The following ARHGAP28 variants were observed in gnomAD, a reference collection of about 807,000 sequenced individuals.
The protein encoded by ARHGAP28 is Rho GTPase activating protein 28.
ARHGAP28 carries 56 observed loss-of-function variants against 90.7 expected under a neutral mutation model. The observed-to-expected ratio is 0.62, with a 90% confidence interval of 0.50 to 0.77. The LOEUF is 0.77. ARHGAP28 is among the 30% of genes least tolerant of loss of function. The pLI is 0.00. For synonymous variants in ARHGAP28, 308 were observed against 323.3 expected (o/e 0.95, Z 0.51); for missense variants, 869 against 900.9 (o/e 0.96, Z 0.45).
At chr18:6,884,908 C>T (rs187912079) in intron 11 of ARHGAP28, among the ~76,000 whole-genome samples, 1 of 152,286 alleles carries the variant, frequency 6.6e-6, no homozygotes, top group East Asian at 1.9e-4. Flanking sequence ...AATATTCAAT[C>T]CTTGTGTTCA....
At chr18:6,750,067 C>T (rs1298258066) in intron 1 of ARHGAP28, among the ~76,000 whole-genome samples, 1 of 152,128 alleles carries the variant, frequency 6.6e-6, no homozygotes, top group Non-Finnish European at 1.5e-5. Context: ...ACTCCCATGC[C>T]TTACTGGGTG....
intron 10 of ARHGAP28, among the ~76,000 whole-genome samples, chr18:6,877,035 G>C (rs1227662492): frequency 1.3e-5 from 2 of 152,194 alleles, no homozygotes; most frequent in Admixed American, 1.3e-4. Flanking sequence ...CTGGATCCCT[G>C]AGCAAACAGT....
At chr18:6,828,740 A>G (rs1320679731) in intron 2 of ARHGAP28, among the ~76,000 whole-genome samples, 2 of 152,214 alleles carry the variant, frequency 1.3e-5, no homozygotes, top group African/African-American at 2.4e-5. Flanking sequence ...ATAAGCACCA[A>G]TAAACAGTGT....
chr18:6,903,826 C>CAAAAAAA (rs35606759), intron 16 of ARHGAP28, among the ~76,000 whole-genome samples: 8 of 83,944 alleles, frequency 9.5e-5, no homozygotes, highest in East Asian at 3.5e-4. Flanking sequence ...GACTCCATCT[C>CAAAAAAA]AAAAAAAAAA....
At chr18:6,846,311 T>C (rs1229728809) in intron 3 of ARHGAP28, among the ~76,000 whole-genome samples, 1 of 152,118 alleles carries the variant, frequency 6.6e-6, no homozygotes, top group Non-Finnish European at 1.5e-5. Context: ...GATGATGGTG[T>C]TTTGTTTCTG....
At chr18:6,743,138 G>T (rs1025407468) in intron 1 of ARHGAP28, among the ~76,000 whole-genome samples, 1 of 152,116 alleles carries the variant, frequency 6.6e-6, no homozygotes, top group African/African-American at 2.4e-5. Context: ...GGAGACCGAC[G>T]AGGGGAGCAT....
chr18:6,883,155 T>G (rs2057192542), intron 11 of ARHGAP28, among the ~76,000 whole-genome samples: 1 of 151,994 alleles, frequency 6.6e-6, no homozygotes. Flanking sequence ...ACTGCTTGGT[T>G]CTCCGTAATG....
intron 1 of ARHGAP28, among the ~76,000 whole-genome samples, chr18:6,771,187 C>T (rs2056240048): frequency 6.6e-6 from 1 of 152,010 alleles, no homozygotes; most frequent in Non-Finnish European, 1.5e-5. Context: ...TGGGTGTGCA[C>T]CACCACACCT....
At position 6,852,543 on chromosome 18, in the gene ARHGAP28, G is replaced by A. The variant is rs548170932; in HGVS notation, c.636+1417G>A. ...GAAAATCTAAGGAACTTAATTTTAAGCAAGTAGTGTTTTCTTTTTTAAATC... is the reference window on the plus strand; with the variant it reads ...GAAAATCTAAGGAACTTAATTTTAAACAAGTAGTGTTTTCTTTTTTAAATC... On this transcript the variant is annotated intron_variant, in intron 4 of 17. Coordinates refer to ENST00000383472, the MANE Select transcript of ARHGAP28 (RefSeq NM_001366230.1). Among the ~76,000 whole-genome samples the A allele has an allele frequency of 3.9e-5, 6 of 152,242 alleles. No homozygotes were observed. In the South Asian group the frequency reaches 1.2e-3, roughly 32 times the overall value.
chr18:6,858,800 C>G (rs2056974263), intron 4 of ARHGAP28, among the ~76,000 whole-genome samples: 1 of 151,754 alleles, frequency 6.6e-6, no homozygotes, highest in Non-Finnish European at 1.5e-5. Flanking sequence ...GCTGGGATTA[C>G]AGGCGTGAGC....
intron 11 of ARHGAP28, among the ~76,000 whole-genome samples, chr18:6,883,488 C>T (rs1051073817): frequency 2.0e-5 from 3 of 152,086 alleles, no homozygotes; most frequent in Non-Finnish European, 2.9e-5. Flanking sequence ...ATCTCCCTGC[C>T]TCACCCTCCA....
At chr18:6,841,167 C>CACTGT (rs1225722544) in intron 3 of ARHGAP28, among the ~76,000 whole-genome samples, 1 of 79,938 alleles carries the variant, frequency 1.3e-5, no homozygotes, top group African/African-American at 5.4e-5. Flanking sequence ...TTCTCTCTCT[C>CACTGT]CTCTCTCTCT....
intron 1 of ARHGAP28, among the ~76,000 whole-genome samples, chr18:6,795,135 T>C (rs1278672862): frequency 6.6e-6 from 1 of 152,228 alleles, no homozygotes; most frequent in Non-Finnish European, 1.5e-5. Flanking sequence ...TTAAGACTAA[T>C]TTTCTAAATC....
intron 1 of ARHGAP28, among the ~76,000 whole-genome samples, chr18:6,764,171 A>G (rs2056182865): frequency 1.3e-5 from 2 of 152,176 alleles, no homozygotes; most frequent in South Asian, 2.1e-4. Context: ...ATTGCTTGGT[A>G]TTAGAAAAAA....
chr18:6,781,053 C>T (rs892864147), intron 1 of ARHGAP28, among the ~76,000 whole-genome samples: 1 of 152,224 alleles, frequency 6.6e-6, no homozygotes, highest in Admixed American at 6.5e-5. Flanking sequence ...ACAGCCACAG[C>T]CAGTCGACTT....
Position 6,870,634 on chromosome 18 carries a change from C to T in ARHGAP28, c.856C>T (p.Leu286=). ...EKNIPPEAEE[L]SFEVSYSEMV... is the part of the protein sequence containing the mutation. ...GAACATTCCACCAGAGGCTGAAGAG[C>T]TGTCATTTGAAGTGTCTTATTCAGA... The change falls in exon 7 of 18, where the codon CTG becomes TTG. Residue 286 remains leucine (L), a synonymous_variant. Coordinates refer to ENST00000383472, the MANE Select transcript of ARHGAP28 (RefSeq NM_001366230.1). 1.2e-6 allele frequency: 2 copies of T among 1,612,864 alleles called. No homozygotes were observed. The highest frequency in any genetic ancestry group is 1.7e-6 in the Non-Finnish European group (2 of 1,179,310).
At chr18:6,798,413 C>G (rs1369302360) in intron 1 of ARHGAP28, among the ~76,000 whole-genome samples, 1 of 152,102 alleles carries the variant, frequency 6.6e-6, no homozygotes, top group Non-Finnish European at 1.5e-5. Context: ...AGGCTGGTCT[C>G]GAACTCCTGA....
intron 6 of ARHGAP28, among the ~76,000 whole-genome samples, chr18:6,869,884 G>A (rs945329084): frequency 3.9e-5 from 6 of 152,128 alleles, no homozygotes; most frequent in African/African-American, 1.2e-4. Flanking sequence ...GGTTAGGATC[G>A]CTCAAATGAT....
Position 6,841,169 on chromosome 18 carries a change from T to A in ARHGAP28, c.543+3755T>A, listed in dbSNP as rs1373240593. 5.6e-3 allele frequency among the ~76,000 whole-genome samples: 442 copies of A among 79,606 alleles called. 3 individuals carry two copies. The highest frequency in any genetic ancestry group is 0.041 in the Middle Eastern group (7 of 172). 52.2% of individuals were successfully genotyped at this position (79,606 alleles called of 152,430 possible). A position where few individuals can be genotyped will look rare whatever the true frequency, so the allele number is the denominator to read the frequency against. On this transcript the variant is annotated intron_variant, in intron 3 of 17. Transcript: ENST00000383472. ...GTCTCTCTCCTCTTTCTCTCTCTCC[T>A]CTCTCTCTCTCCTCTCTCTCTCTCT... is the stretch of plus-strand genomic sequence containing the variant.
Sources: allele counts gnomAD v4.1 joint callset (sites outside exome capture counted in the v4.1 genomes callset), GRCh38; gene constraint gnomAD v4.1.1; transcripts MANE v1.5; gene names NCBI Gene and HGNC (gene_info 2026-07-23, HGNC 2026-07-21).